PPP1R12B: variants seen among roughly 807,000 people sequenced by gnomAD.
The protein encoded by PPP1R12B is myosin phosphatase target subunit 2.
PPP1R12B carries 76 observed loss-of-function variants against 126.1 expected under a neutral mutation model. The observed-to-expected ratio is 0.60, with a 90% CI of 0.50 to 0.73. PPP1R12B has a LOEUF of 0.73. PPP1R12B is among the 30% of genes least tolerant of loss of function. The pLI, the probability that PPP1R12B is intolerant of heterozygous loss-of-function variation, is 0.00. For missense variants in PPP1R12B, 1,052 were observed against 1,205.1 expected (o/e 0.87, Z 1.88); for synonymous variants, 356 against 434.7 (o/e 0.82, Z 2.25).
intron 1 of PPP1R12B, among the ~76,000 whole-genome samples, chr1:202,405,352 A>C (rs892195173): frequency 4.6e-5 from 7 of 152,128 alleles, no homozygotes; most frequent in African/African-American, 1.7e-4. Context: ...ATGAAACCTG[A>C]CTGTGATCTG....
At chr1:202,495,509 C>G (rs1679438474) in intron 16 of PPP1R12B, 27 bp downstream of exon 16, 1 of 1,607,582 alleles carries the variant, frequency 6.2e-7, no homozygotes, top group Non-Finnish European at 8.5e-7. Flanking sequence ...AAGACACAGG[C>G]CCCTCCACAG....
intron 2 of PPP1R12B, among the ~76,000 whole-genome samples, chr1:202,421,399 G>T (rs1055022193): frequency 6.6e-6 from 1 of 151,054 alleles, no homozygotes; most frequent in Admixed American, 6.6e-5. Context: ...CACTTTGGGA[G>T]GCCGAGGCGG....
intron 1 of PPP1R12B, among the ~76,000 whole-genome samples, chr1:202,371,862 T>C (rs1442281708): frequency 3.5e-5 from 5 of 141,618 alleles, no homozygotes; most frequent in Admixed American, 2.8e-4. Context: ...TAGTTTCTTT[T>C]TTTTTTTTTT....
intron 1 of PPP1R12B, among the ~76,000 whole-genome samples, chr1:202,393,179 C>T (rs183762048): frequency 2.0e-5 from 3 of 152,212 alleles, no homozygotes; most frequent in Admixed American, 2.0e-4. Context: ...AACTCCTGAC[C>T]TCAAGTGATC....
At chr1:202,425,156 C>T (rs1291656846) in intron 3 of PPP1R12B, among the ~76,000 whole-genome samples, 1 of 152,100 alleles carries the variant, frequency 6.6e-6, no homozygotes, top group East Asian at 1.9e-4. Flanking sequence ...ATTTTTATTT[C>T]CTCATCTGTT....
At chr1:202,550,759 C>T (rs867618670) in intron 18 of PPP1R12B, among the ~76,000 whole-genome samples, 6 of 152,220 alleles carry the variant, frequency 3.9e-5, no homozygotes, top group African/African-American at 1.4e-4. Context: ...ATATAGTACA[C>T]AGCATGTGAA....
chr1:202,591,114 A>G lies in PPP1R12B; in HGVS notation c.*10554A>G, dbSNP rs537964876. The G allele has an allele frequency of 6.6e-6, 1 of 152,364 alleles. No homozygotes were observed. The highest frequency in any genetic ancestry group is 2.1e-4 in the South Asian group (1 of 4,816). 9.4% of individuals were successfully genotyped at this position (152,364 alleles called of 1,614,324 possible). On this transcript the variant is annotated 3_prime_UTR_variant, in exon 24 of 24. Coordinates refer to ENST00000608999, the MANE Select transcript of PPP1R12B (RefSeq NM_002481.4). ...AAGCAAGACATGTCTTCACTGGTCC[A>G]AGCACCTGATTCCAGCCTGCTCTGA...
At chr1:202,470,318 A>G (rs1425830614) in intron 13 of PPP1R12B, among the ~76,000 whole-genome samples, 1 of 152,150 alleles carries the variant, frequency 6.6e-6, no homozygotes, top group East Asian at 1.9e-4. Context: ...TGTGCTTTCT[A>G]TATCACTATG....
intron 13 of PPP1R12B, among the ~76,000 whole-genome samples, chr1:202,467,460 T>G (rs1025886753): frequency 2.0e-5 from 3 of 151,110 alleles, no homozygotes; most frequent in Non-Finnish European, 4.4e-5. Flanking sequence ...CACCTATGAG[T>G]GAGAACATGC....
At chr1:202,452,458 G>T (rs1673120615) in intron 13 of PPP1R12B, among the ~76,000 whole-genome samples, 1 of 152,194 alleles carries the variant, frequency 6.6e-6, no homozygotes, top group African/African-American at 2.4e-5. Context: ...GCTGAGGCAG[G>T]AGAATCAGGC....
At chr1:202,562,565 A>G in intron 19 of PPP1R12B, 1 of 725,116 alleles carries the variant, frequency 1.4e-6, no homozygotes. Flanking sequence ...TTCTTGGCAA[A>G]TGATGGTCAG....
chr1:202,547,639 T>C (rs552472121), intron 18 of PPP1R12B, among the ~76,000 whole-genome samples: 1 of 152,316 alleles, frequency 6.6e-6, no homozygotes, highest in African/African-American at 2.4e-5. Flanking sequence ...GATGAGAGTA[T>C]ATTATAGCAT....
chr1:202,356,540 AG>A (rs987224103), intron 1 of PPP1R12B, among the ~76,000 whole-genome samples: 1 of 152,196 alleles, frequency 6.6e-6, no homozygotes, highest in African/African-American at 2.4e-5. Flanking sequence ...GATTAATTTA[AG>A]GATCTTGAGA....
chr1:202,411,108 C>G (rs1571885008), intron 1 of PPP1R12B, among the ~76,000 whole-genome samples: 2 of 152,256 alleles, frequency 1.3e-5, no homozygotes. Context: ...ATCTACCATG[C>G]TTCAGTCGTG....
intron 1 of PPP1R12B, among the ~76,000 whole-genome samples, chr1:202,356,467 A>G (rs554760786): frequency 6.6e-5 from 10 of 152,144 alleles, no homozygotes; most frequent in Non-Finnish European, 1.0e-4. Flanking sequence ...AAAATGTCTA[A>G]GTCCTAATCC....
chr1:202,423,422 T>C (rs1669080355), intron 3 of PPP1R12B, among the ~76,000 whole-genome samples: 1 of 152,158 alleles, frequency 6.6e-6, no homozygotes, highest in African/African-American at 2.4e-5. Context: ...GCTCCAGTGG[T>C]CTTTCCCAAT....
At chr1:202,411,221 A>G (rs1440277658) in intron 1 of PPP1R12B, among the ~76,000 whole-genome samples, 2 of 148,884 alleles carry the variant, frequency 1.3e-5, no homozygotes, top group African/African-American at 2.5e-5. Context: ...TCTCTCATCC[A>G]TGCTTTAGTC....
At chr1:202,462,295 A>G (rs955391843) in intron 13 of PPP1R12B, among the ~76,000 whole-genome samples, 9 of 152,316 alleles carry the variant, frequency 5.9e-5, no homozygotes, top group Middle Eastern at 3.4e-3. Flanking sequence ...CTTGAATAAA[A>G]GAGTCTATTT....
chr1:202,357,969 C>T (rs569938593), intron 1 of PPP1R12B, among the ~76,000 whole-genome samples: 1 of 152,242 alleles, frequency 6.6e-6, no homozygotes, highest in East Asian at 1.9e-4. Flanking sequence ...AGCATTCTGG[C>T]TCTTGAGGAG....
Sources: allele counts gnomAD v4.1 joint callset (sites outside exome capture counted in the v4.1 genomes callset), GRCh38; gene constraint gnomAD v4.1.1; transcripts MANE v1.5; gene names NCBI Gene and HGNC (gene_info 2026-07-23, HGNC 2026-07-21).